CCDC85A: variants seen among roughly 807,000 people sequenced by gnomAD.
CCDC85A encodes coiled-coil domain containing 85A.
Under a neutral mutation model 50.2 loss-of-function variants are expected in CCDC85A, and 38 were observed. The ratio of observed to expected loss-of-function variants is 0.76; its 90% CI spans 0.58 to 0.99. The LOEUF (loss-of-function observed/expected upper bound fraction) is 0.99, where lower values mean the gene tolerates loss of function less well. Among genes scored for constraint, CCDC85A ranks in the 50% least tolerant of loss-of-function variants. The pLI is 0.00. For synonymous variants in CCDC85A, 366 were observed against 301.4 expected (o/e 1.21, Z -2.22); for missense variants, 820 against 742.0 (o/e 1.11, Z -1.22).
chr2:56,352,027 G>A (rs1266622249), intron 3 of CCDC85A, among the ~76,000 whole-genome samples: 1 of 152,156 alleles, frequency 6.6e-6, no homozygotes, highest in Non-Finnish European at 1.5e-5. Context: ...ATTAATTTTT[G>A]TATAAGGTGT....
At chr2:56,258,956 A>G (rs1222228795) in intron 2 of CCDC85A, among the ~76,000 whole-genome samples, 1 of 152,210 alleles carries the variant, frequency 6.6e-6, no homozygotes, top group Non-Finnish European at 1.5e-5. Flanking sequence ...GAGAAAGTTT[A>G]GGATAATTGC....
At chr2:56,262,592 T>G (rs1035150661) in intron 2 of CCDC85A, among the ~76,000 whole-genome samples, 2 of 152,206 alleles carry the variant, frequency 1.3e-5, no homozygotes, top group Non-Finnish European at 2.9e-5. Flanking sequence ...TAGCCATCAG[T>G]AAACCATTCA....
chr2:56,336,137 A>G (rs939789702), intron 2 of CCDC85A, among the ~76,000 whole-genome samples: 1 of 151,882 alleles, frequency 6.6e-6, no homozygotes, highest in Non-Finnish European at 1.5e-5. Context: ...TTTTCCTCAT[A>G]TACACTCTTT....
intron 2 of CCDC85A, among the ~76,000 whole-genome samples, chr2:56,318,286 C>A (rs1287254764): frequency 2.0e-5 from 3 of 152,000 alleles, no homozygotes; most frequent in African/African-American, 7.2e-5. Context: ...AGGCTAGACC[C>A]TAATGAGGAA....
intron 2 of CCDC85A, among the ~76,000 whole-genome samples, chr2:56,203,052 T>A (rs958513303): frequency 3.3e-5 from 5 of 152,170 alleles, no homozygotes; most frequent in African/African-American, 1.2e-4. Flanking sequence ...TTTAAAGGAA[T>A]CTGTTTGGTT....
chr2:56,286,680 T>C (rs1162425153), intron 2 of CCDC85A, among the ~76,000 whole-genome samples: 1 of 152,198 alleles, frequency 6.6e-6, no homozygotes, highest in African/African-American at 2.4e-5. Context: ...ATCTACTCAT[T>C]TTTACATCTG....
chr2:56,262,488 G>A (rs1168306987), intron 2 of CCDC85A, among the ~76,000 whole-genome samples: 2 of 152,166 alleles, frequency 1.3e-5, no homozygotes, highest in East Asian at 3.8e-4. Context: ...TGGATTGTGA[G>A]AGTAGATGCT....
intron 2 of CCDC85A, among the ~76,000 whole-genome samples, chr2:56,272,046 T>C (rs1235487489): frequency 1.3e-5 from 2 of 152,146 alleles, no homozygotes; most frequent in Non-Finnish European, 2.9e-5. Flanking sequence ...GCTCTGATTG[T>C]GAGACTAAGA....
chr2:56,278,142 T>G (rs1370160900), intron 2 of CCDC85A, among the ~76,000 whole-genome samples: 4 of 152,158 alleles, frequency 2.6e-5, no homozygotes, highest in Admixed American at 6.5e-5. Context: ...TTAGAACCTG[T>G]GTGTCTTTAG....
chr2:56,216,013 C>T (rs1453017028), intron 2 of CCDC85A, among the ~76,000 whole-genome samples: 2 of 151,916 alleles, frequency 1.3e-5, no homozygotes, highest in African/African-American at 4.8e-5. Context: ...TACATTTGCA[C>T]TACAGTGGCA....
intron 1 of CCDC85A, among the ~76,000 whole-genome samples, chr2:56,191,877 C>T (rs946114336): frequency 1.3e-5 from 2 of 152,208 alleles, no homozygotes; most frequent in African/African-American, 4.8e-5. Context: ...AAGATCTAAG[C>T]AGTGCTTGCT....
chr2:56,373,822 G>A (rs925515316), intron 4 of CCDC85A, among the ~76,000 whole-genome samples: 10 of 152,266 alleles, frequency 6.6e-5, no homozygotes, highest in African/African-American at 2.4e-4. Context: ...AGTGGTACCA[G>A]GAGGAAAAGA....
chr2:56,218,971 C>T (rs570682542), intron 2 of CCDC85A, among the ~76,000 whole-genome samples: 30 of 151,574 alleles, frequency 2.0e-4, no homozygotes, highest in African/African-American at 6.5e-4. Flanking sequence ...TCATTACTTA[C>T]GTGTTTAGTC....
intron 2 of CCDC85A, among the ~76,000 whole-genome samples, chr2:56,263,053 A>G (rs909329494): frequency 6.6e-6 from 1 of 152,232 alleles, no homozygotes; most frequent in African/African-American, 2.4e-5. Flanking sequence ...TAAGAAAAGC[A>G]CTAGAAATAC....
At chr2:56,353,099 G>A (rs57047085) in intron 3 of CCDC85A, among the ~76,000 whole-genome samples, 1 of 152,112 alleles carries the variant, frequency 6.6e-6, no homozygotes, top group African/African-American at 2.4e-5. Context: ...CTTACATCGT[G>A]GGGGGTTACT....
chr2:56,368,951 C>T (rs1235896573), intron 3 of CCDC85A, among the ~76,000 whole-genome samples: 1 of 151,872 alleles, frequency 6.6e-6, no homozygotes, highest in Non-Finnish European at 1.5e-5. Context: ...TAAAAAATTT[C>T]CTTGACTTCA....
chr2:56,258,870 A>G (rs1368962764), intron 2 of CCDC85A, among the ~76,000 whole-genome samples: 1 of 152,200 alleles, frequency 6.6e-6, no homozygotes, highest in Admixed American at 6.5e-5. Flanking sequence ...GATTTCTTCA[A>G]TCTTCTCTGT....
At chr2:56,219,960 G>T (rs1353596911) in intron 2 of CCDC85A, among the ~76,000 whole-genome samples, 1 of 151,942 alleles carries the variant, frequency 6.6e-6, no homozygotes, top group Non-Finnish European at 1.5e-5. Context: ...TAAGTGCAGT[G>T]ATCTATGGGA....
rs577407430 is a variant in CCDC85A at position 56,243,520 on chromosome 2, A to G, written c.1240+50080A>G. The stretch of plus-strand genomic sequence containing the variant: ...AATTTCTTTGTTAAATTTATCTGAT[A>G]GAATTTTGAATTACCTTTCTGTGTT... On this transcript the variant is annotated intron_variant, in intron 2 of 5. Transcript: ENST00000407595. Among the ~76,000 whole-genome samples, 11 of 152,248 alleles carry G rather than the reference A, an allele frequency of 7.2e-5. 1 individual carries two copies. Among genetic ancestry groups the G allele is most frequent in the African/African-American group, 2.6e-4 (11 of 41,544 alleles).
Sources: gnomAD v4.1 joint callset for allele counts (sites outside exome capture counted in the v4.1 genomes callset) on GRCh38, gnomAD v4.1.1 for gene constraint, MANE v1.5 for transcripts, NCBI Gene and HGNC (gene_info 2026-07-23, HGNC 2026-07-21) for gene names.